Variants in GALNT18 observed in about 807,000 individuals in gnomAD.
GALNT18 encodes the protein GalNAc-transferase 18.
Under a neutral mutation model 69.5 loss-of-function variants are expected in GALNT18, and 44 were observed. That is an observed-to-expected ratio of 0.63 (90% CI 0.50 to 0.81). GALNT18 has a LOEUF of 0.81. GALNT18 is among the 40% of genes least tolerant of loss of function. The probability of loss-of-function intolerance (pLI) is 0.00; values close to 1 mark genes in which losing one functional copy is unlikely to be tolerated. For missense variants in GALNT18, 715 were observed against 810.0 expected, an observed-to-expected ratio of 0.88 and a Z score of 1.42; for synonymous variants, 364 against 318.2, an observed-to-expected ratio of 1.14 and a Z score of -1.53.
At position 11,332,327 on chromosome 11, in the gene GALNT18, C is replaced by T. The variant is rs1160539847; in HGVS notation, c.1416+367G>A. ...CATTAGCTCCTTGGTCAGGGAGGCA[C>T]ACAGGGTGACTCATAGACCCTCAGG... On this transcript the variant is annotated intron_variant, in intron 8 of 10. Transcript: ENST00000227756. This position sits in a 1 kb window ranked among gnomAD's most constrained non-coding sequence, Gnocchi z 4.3. Among the ~76,000 whole-genome samples the T allele has an allele frequency of 3.3e-5, 5 of 152,218 alleles. No individual in the cohort carries two copies. The highest frequency in any genetic ancestry group is 7.2e-5 in the African/African-American group (3 of 41,458).
intron 1 of GALNT18, among the ~76,000 whole-genome samples, chr11:11,597,713 T>G (rs1339095535): frequency 2.6e-5 from 4 of 151,156 alleles, no homozygotes; most frequent in African/African-American, 9.8e-5. Flanking sequence ...CAGGCTAGAG[T>G]GCAGTGGAGC....
At chr11:11,530,525 C>T (rs7120582) in intron 1 of GALNT18, among the ~76,000 whole-genome samples, 34,950 of 152,100 alleles carry the variant, frequency 0.23, 4,521 homozygotes, top group Non-Finnish European at 0.27. Context: ...ATTAACCCTT[C>T]TGGAAGTCCA....
At chr11:11,362,291 C>T (rs1850660306) in intron 6 of GALNT18, among the ~76,000 whole-genome samples, 2 of 152,010 alleles carry the variant, frequency 1.3e-5, no homozygotes, top group South Asian at 4.1e-4. Flanking sequence ...TGATTAAAAT[C>T]TGGAAGCAAG....
At chr11:11,524,463 T>C (rs574695015) in intron 1 of GALNT18, among the ~76,000 whole-genome samples, 1 of 152,360 alleles carries the variant, frequency 6.6e-6, no homozygotes, top group African/African-American at 2.4e-5. Context: ...TGTAACTTGC[T>C]GTGATCAATG....
At chr11:11,303,986 G>A (rs965292650) in intron 9 of GALNT18, among the ~76,000 whole-genome samples, 1 of 152,216 alleles carries the variant, frequency 6.6e-6, no homozygotes, top group South Asian at 2.1e-4. Context: ...TCTGTCCAGG[G>A]CTTGGCCCAA....
chr11:11,468,713 G>T (rs1319437514), intron 1 of GALNT18, among the ~76,000 whole-genome samples: 1 of 152,114 alleles, frequency 6.6e-6, no homozygotes, highest in African/African-American at 2.4e-5. Context: ...GGGTCTGGGG[G>T]CTTTTTCAAA....
At chr11:11,452,464 G>T (rs528886493) in intron 1 of GALNT18, among the ~76,000 whole-genome samples, 1 of 152,214 alleles carries the variant, frequency 6.6e-6, no homozygotes, top group African/African-American at 2.4e-5. Flanking sequence ...CAGCCCTATC[G>T]GGCCGCCGGA....
At chr11:11,561,704 A>T (rs1329184981) in intron 1 of GALNT18, among the ~76,000 whole-genome samples, 1 of 152,206 alleles carries the variant, frequency 6.6e-6, no homozygotes, top group African/African-American at 2.4e-5. Context: ...TGCAGGTGTC[A>T]TGGGTGTGGT....
intron 1 of GALNT18, among the ~76,000 whole-genome samples, chr11:11,550,771 C>T (rs1858169407): frequency 6.6e-6 from 1 of 152,168 alleles, no homozygotes; most frequent in African/African-American, 2.4e-5. Flanking sequence ...TGAAATGTGG[C>T]TAGTGCAACA....
In GALNT18 at chr11:11,463,074, G is replaced by T. The variant is rs1343122668; in HGVS notation, c.236-14138C>A. On this transcript the variant is annotated intron_variant, in intron 1 of 10. Coordinates refer to ENST00000227756, the MANE Select transcript of GALNT18 (RefSeq NM_198516.3). The surrounding 1 kb of genome is among the most constrained non-coding windows in gnomAD (Gnocchi z 4.2). ...GAGGGTAAGCAGTGCTCTGCAGTGT[G>T]GAGAGAGAGGATATCAATCACAAGA... Among the ~76,000 whole-genome samples, 3 of 152,092 alleles carry T rather than the reference G, an allele frequency of 2.0e-5. No individual in the cohort carries two copies. The highest frequency in any genetic ancestry group is 4.4e-5 in the Non-Finnish European group (3 of 68,022).
Position 11,415,736 on chromosome 11 carries a change from C to CCCATGCAT in GALNT18, c.595+16877_595+16884dup, listed in dbSNP as rs1319608052. ...CCACCCACACCTATGCGTCTTCCCA[C>CCCATGCAT]CCATGCATCCATGCATCCATCCACC... On this transcript the variant is annotated intron_variant, in intron 3 of 10. Coordinates refer to ENST00000227756, the MANE Select transcript of GALNT18 (RefSeq NM_198516.3). This position sits in a 1 kb window ranked among gnomAD's most constrained non-coding sequence, Gnocchi z 4.1. 6.6e-6 allele frequency among the ~76,000 whole-genome samples: 1 copy of CCCATGCAT among 152,186 alleles called. No individual in the cohort carries two copies. The highest frequency in any genetic ancestry group is 1.9e-4 in the East Asian group (1 of 5,194).
chr11:11,311,395 A>G (rs1284406517), intron 9 of GALNT18, among the ~76,000 whole-genome samples: 3 of 152,202 alleles, frequency 2.0e-5, no homozygotes, highest in Admixed American at 1.3e-4. Flanking sequence ...CTTGCTGTTC[A>G]TATCCTGGAC....
At chr11:11,493,191 G>A (rs1856806419) in intron 1 of GALNT18, among the ~76,000 whole-genome samples, 1 of 150,344 alleles carries the variant, frequency 6.7e-6, no homozygotes, top group African/African-American at 2.5e-5. Context: ...AACCTGGGAG[G>A]CGGAGGTTGA....
intron 1 of GALNT18, among the ~76,000 whole-genome samples, chr11:11,572,182 C>T (rs752016275): frequency 6.6e-6 from 1 of 152,162 alleles, no homozygotes; most frequent in Non-Finnish European, 1.5e-5. Flanking sequence ...AGTGTCTTGC[C>T]GGGATCCAGG....
At chr11:11,551,733 G>C (rs1436883758) in intron 1 of GALNT18, among the ~76,000 whole-genome samples, 1 of 152,200 alleles carries the variant, frequency 6.6e-6, no homozygotes, top group Non-Finnish European at 1.5e-5. Context: ...CTTTGTGTGG[G>C]CAACATGGCT....
rs911141664 is a variant in GALNT18, at chr11:11,382,819, A to G, written c.596-3555T>C. 6.6e-6 allele frequency among the ~76,000 whole-genome samples: 1 copy of G among 152,106 alleles called. No individual in the cohort carries two copies. Among genetic ancestry groups the G allele is most frequent in the Non-Finnish European group, 1.5e-5 (1 of 68,018 alleles). On this transcript the variant is annotated intron_variant, in intron 3 of 10. Transcript: ENST00000227756. This position sits in a 1 kb window ranked among gnomAD's most constrained non-coding sequence, Gnocchi z 4.3. ...TAATAAAGTGTCTTGGTGGGTTAGG[A>G]CAGTAGTATAATTGTGGAAGGAAAA...
At chr11:11,516,951 G>A (rs969725284) in intron 1 of GALNT18, among the ~76,000 whole-genome samples, 2 of 152,218 alleles carry the variant, frequency 1.3e-5, no homozygotes, top group Admixed American at 6.5e-5. Context: ...CCCCAAGGTG[G>A]TGGTACTAGG....
Position 11,604,445 on chromosome 11 carries a change from G to T in GALNT18, c.235+16914C>A, listed in dbSNP as rs1859700318. ...CTGCTGGAGAGTGGGGAAGGACAGG[G>T]TGGACAAGCGATCTACATCCAGCCC... On this transcript the variant is annotated intron_variant, in intron 1 of 10. Transcript: ENST00000227756. The surrounding 1 kb of genome is among the most constrained non-coding windows in gnomAD (Gnocchi z 5.6). Among the ~76,000 whole-genome samples, 1 of 152,110 alleles carries T rather than the reference G, an allele frequency of 6.6e-6. No individual in the cohort carries two copies. The highest frequency in any genetic ancestry group is 2.1e-4 in the South Asian group (1 of 4,820).
At chr11:11,290,776 G>A (rs1296520838) in intron 10 of GALNT18, among the ~76,000 whole-genome samples, 1 of 152,100 alleles carries the variant, frequency 6.6e-6, no homozygotes, top group Non-Finnish European at 1.5e-5. Flanking sequence ...AGACGGCAGG[G>A]CAAGCTGAAC....
Sources: gnomAD v4.1 joint callset for allele counts (sites outside exome capture counted in the v4.1 genomes callset) on GRCh38, gnomAD v4.1.1 for gene constraint, Gnocchi (gnomAD v3.1) non-coding constraint, MANE v1.5 for transcripts, NCBI Gene and HGNC (gene_info 2026-07-23, HGNC 2026-07-21) for gene names.